The following HTR2C variants were observed in gnomAD, a reference collection of about 807,000 sequenced individuals.
HTR2C encodes the protein 5-hydroxytryptamine receptor 2C.
A neutral mutation model predicts 21.0 loss-of-function variants in HTR2C; 5 were observed. The observed-to-expected ratio is 0.24, with a 90% CI of 0.12 to 0.50. The LOEUF (loss-of-function observed/expected upper bound fraction) is 0.50. Ranked by LOEUF, HTR2C falls within the 20% of genes least tolerant of loss-of-function variation. The pLI, the probability that HTR2C is intolerant of heterozygous loss-of-function variation, is 0.98. For missense variants in HTR2C, 271 were observed against 371.2 expected (o/e 0.73, Z 2.22); for synonymous variants, 150 against 145.3 (o/e 1.03, Z -0.23).
intron 4 of HTR2C, among the ~76,000 whole-genome samples, chrX:114,816,956 T>TA (rs869307739): frequency 1.0e-5 from 1 of 96,632 alleles, no homozygotes; most frequent in Non-Finnish European, 2.1e-5. Flanking sequence ...TAAAAAAAAA[T>TA]AGATGATTAC....
chrX:114,717,977 CTTGTTCGTGCCAGCCT>C (rs1310553552), intron 2 of HTR2C, among the ~76,000 whole-genome samples: 4 of 111,481 alleles, frequency 3.6e-5, no homozygotes, highest in Non-Finnish European at 5.6e-5. Context: ...TTTAAAAAGC[CTTGTTCGTGCCAGCCT>C]TTGTACCCCA....
intron 4 of HTR2C, among the ~76,000 whole-genome samples, chrX:114,750,868 C>T (rs781993311): frequency 1.8e-5 from 2 of 111,731 alleles, no homozygotes; most frequent in Admixed American, 9.5e-5. Flanking sequence ...AAAACACCAA[C>T]GTGTCCAGTT....
At chrX:114,699,281 T>C (rs1179738435) in intron 2 of HTR2C, among the ~76,000 whole-genome samples, 2 of 111,906 alleles carry the variant, frequency 1.8e-5, no homozygotes, top group Non-Finnish European at 3.8e-5. Context: ...AATGAAAAAT[T>C]GGCACAGCAT....
chrX:114,723,775 C>G (rs1556421217), intron 2 of HTR2C, among the ~76,000 whole-genome samples: 1 of 108,714 alleles, frequency 9.2e-6, no homozygotes, highest in African/African-American at 3.3e-5. Flanking sequence ...CCTTATGTAC[C>G]CAGTAGTCAT....
At chrX:114,792,337 T>A (rs2070241837) in intron 4 of HTR2C, among the ~76,000 whole-genome samples, 1 of 111,096 alleles carries the variant, frequency 9.0e-6, no homozygotes, top group Non-Finnish European at 1.9e-5. Context: ...GTGTTCTCGT[T>A]GTTCAGCTCC....
chrX:114,668,853 C>G (rs1487752288), intron 2 of HTR2C, among the ~76,000 whole-genome samples: 1 of 111,022 alleles, frequency 9.0e-6, no homozygotes, highest in Non-Finnish European at 1.9e-5. Context: ...CAAAAATTAA[C>G]TTCTACTTCA....
intron 5 of HTR2C, among the ~76,000 whole-genome samples, chrX:114,899,152 T>C (rs2071318660): frequency 9.0e-6 from 1 of 111,595 alleles, no homozygotes; most frequent in African/African-American, 3.3e-5. Flanking sequence ...TTTGTGGCAC[T>C]TGTGAATGGG....
chrX:114,869,088 G>A lies in HTR2C; in HGVS notation c.550+20885G>A, dbSNP rs782731323. Among the ~76,000 whole-genome samples, 7 of 110,570 alleles carry A rather than the reference G, an allele frequency of 6.3e-5. No homozygotes were observed. The South Asian group carries it at 1.2e-3, about 18-fold the overall frequency. ...TTCCCACCTATGAATGAGAACATGC[G>A]GTGTTTGGTTTTCTGTCCTTGTGAT... On this transcript the variant is annotated intron_variant, in intron 5 of 5. Coordinates refer to ENST00000276198, the MANE Select transcript of HTR2C (RefSeq NM_000868.4).
At chrX:114,764,400 CAA>C (rs375720855) in intron 4 of HTR2C, among the ~76,000 whole-genome samples, 12 of 39,021 alleles carry the variant, frequency 3.1e-4, no homozygotes, top group African/African-American at 5.8e-4. Flanking sequence ...AACTCCATCT[CAA>C]AAAAAAAAAA....
At chrX:114,875,326 G>A (rs191176113) in intron 5 of HTR2C, among the ~76,000 whole-genome samples, 48 of 111,338 alleles carry the variant, frequency 4.3e-4, no homozygotes, top group Non-Finnish European at 6.8e-4. Context: ...TCAAACATAT[G>A]GTTTGCAAAT....
At chrX:114,631,401 A>G in intron 2 of HTR2C, among the ~76,000 whole-genome samples, 1 of 112,001 alleles carries the variant, frequency 8.9e-6, no homozygotes, top group South Asian at 3.7e-4. Context: ...AATCATTACT[A>G]GCTGTGAAGC....
At chrX:114,834,881 G>A (rs2070766033) in intron 4 of HTR2C, among the ~76,000 whole-genome samples, 2 of 109,136 alleles carry the variant, frequency 1.8e-5, no homozygotes, top group South Asian at 4.1e-4. Flanking sequence ...TCCTTCAGGA[G>A]CTCTTTTAGG....
chrX:114,890,181 T>C (rs1307934898), intron 5 of HTR2C, among the ~76,000 whole-genome samples: 2 of 111,937 alleles, frequency 1.8e-5, no homozygotes, highest in African/African-American at 6.5e-5. Flanking sequence ...GAAAATATGG[T>C]ATGCTTCTAT....
At chrX:114,836,240 C>T (rs1400039826) in intron 4 of HTR2C, among the ~76,000 whole-genome samples, 1 of 110,444 alleles carries the variant, frequency 9.1e-6, no homozygotes, top group South Asian at 3.9e-4. Context: ...CCACCCAGTT[C>T]GAGCTTCCTG....
intron 2 of HTR2C, among the ~76,000 whole-genome samples, chrX:114,685,679 G>T (rs958247775): frequency 1.8e-5 from 2 of 111,295 alleles, no homozygotes; most frequent in African/African-American, 6.5e-5. Context: ...TTATAGCAGT[G>T]GATTATCATA....
chrX:114,612,900 C>T (rs77337249), intron 1 of HTR2C, among the ~76,000 whole-genome samples: 2,003 of 110,440 alleles, frequency 0.018, 21 homozygotes, highest in Non-Finnish European at 0.03. Context: ...CATAGAGCAG[C>T]CCTGAGGGCT....
chrX:114,838,013 T>C (rs1556464575), intron 4 of HTR2C, among the ~76,000 whole-genome samples: 2 of 111,402 alleles, frequency 1.8e-5, no homozygotes, highest in East Asian at 5.6e-4. Flanking sequence ...TCAATATCTA[T>C]TAAAAGACCA....
intron 2 of HTR2C, chrX:114,630,849 C>T (rs373734090): frequency 8.6e-5 from 32 of 370,433 alleles, no homozygotes; most frequent in Non-Finnish European, 1.6e-4. Context: ...GGGCATCAAG[C>T]GGTGCAAAAG....
At chrX:114,593,931 A>G (rs1927732439) in intron 1 of HTR2C, among the ~76,000 whole-genome samples, 1 of 112,072 alleles carries the variant, frequency 8.9e-6, no homozygotes, top group Non-Finnish European at 1.9e-5. Flanking sequence ...TCTCAAGTCA[A>G]TATTCACTTC....
Sources: allele counts gnomAD v4.1 joint callset (sites outside exome capture counted in the v4.1 genomes callset), GRCh38; gene constraint gnomAD v4.1.1; transcripts MANE v1.5; gene names NCBI Gene and HGNC (gene_info 2026-07-23, HGNC 2026-07-21).